Variants in CACNA2D3 observed in about 807,000 individuals in gnomAD.
CACNA2D3 encodes the protein voltage-dependent calcium channel subunit alpha-2/delta-3.
In CACNA2D3, 60 loss-of-function variants were observed where a neutral mutation model predicts 160.6. That is an observed-to-expected ratio of 0.37 (90% CI 0.30 to 0.46). The LOEUF (loss-of-function observed/expected upper bound fraction) is 0.46. Ranked by LOEUF, CACNA2D3 falls within the 20% of genes least tolerant of loss-of-function variation. CACNA2D3 has a pLI of 1.00. For synonymous variants in CACNA2D3, 558 were observed against 492.9 expected (o/e 1.13, Z -1.75); for missense variants, 1,205 against 1,365.0 (o/e 0.88, Z 1.85).
intron 17 of CACNA2D3, among the ~76,000 whole-genome samples, chr3:54,864,558 C>T (rs1699360125): frequency 6.6e-6 from 1 of 152,198 alleles, no homozygotes; most frequent in Non-Finnish European, 1.5e-5. Context: ...CTGTGCCTGG[C>T]TTTGGCCTAG....
intron 11 of CACNA2D3, among the ~76,000 whole-genome samples, chr3:54,742,987 A>G (rs1701684365): frequency 1.3e-5 from 2 of 152,346 alleles, no homozygotes; most frequent in Admixed American, 6.5e-5. Flanking sequence ...GTAAAATCTC[A>G]ACTGATTGAT....
intron 9 of CACNA2D3, among the ~76,000 whole-genome samples, chr3:54,606,092 T>C (rs1184994027): frequency 2.0e-5 from 3 of 152,182 alleles, no homozygotes; most frequent in Admixed American, 2.0e-4. Context: ...AGGGGGCTTA[T>C]CAAATTGCAT....
In CACNA2D3 at chr3:54,480,059, C is replaced by G. The variant is rs188635018; in HGVS notation, c.382-23433C>G. Among the ~76,000 whole-genome samples the G allele has an allele frequency of 3.9e-5, 6 of 152,090 alleles. No individual in the cohort carries two copies. In the East Asian group the frequency reaches 1.2e-3, roughly 30 times the overall value. On this transcript the variant is annotated intron_variant, in intron 4 of 37. Transcript: ENST00000474759. ...TGTGCCTGCACATGCTCACACAAGT[C>G]GAATCTGTAATAGGACTTAAAACTC...
At chr3:54,305,885 G>A (rs7431577) in intron 2 of CACNA2D3, among the ~76,000 whole-genome samples, 2 of 152,068 alleles carry the variant, frequency 1.3e-5, no homozygotes, top group East Asian at 1.9e-4. Context: ...ATCACAGATC[G>A]TTTCCTGTGA....
At chr3:54,223,278 A>G (rs1367651524) in intron 2 of CACNA2D3, among the ~76,000 whole-genome samples, 3 of 152,202 alleles carry the variant, frequency 2.0e-5, no homozygotes, top group Non-Finnish European at 2.9e-5. Flanking sequence ...GCTGTAGTCT[A>G]TTGCTCCTAG....
At chr3:54,387,732 T>C (rs1226623620) in intron 4 of CACNA2D3, among the ~76,000 whole-genome samples, 1 of 152,190 alleles carries the variant, frequency 6.6e-6, no homozygotes, top group Admixed American at 6.5e-5. Flanking sequence ...TTTATCTAAA[T>C]TGGCACTTTG....
At chr3:54,465,469 A>G (rs1490863015) in intron 4 of CACNA2D3, among the ~76,000 whole-genome samples, 2 of 152,206 alleles carry the variant, frequency 1.3e-5, no homozygotes, top group Admixed American at 6.5e-5. Context: ...AGGTGTAGGA[A>G]AAAACATAGT....
intron 11 of CACNA2D3, among the ~76,000 whole-genome samples, chr3:54,687,142 T>TTTTTTTTTTTTTTTTTTTTTG: frequency 1.4e-5 from 1 of 72,964 alleles, no homozygotes; most frequent in East Asian, 2.4e-4. Flanking sequence ...TTTGTTTTTT[T>TTTTTTTTTTTTTTTTTTTTTG]TTTTTTTTGT....
At chr3:54,465,246 T>G (rs1388614384) in intron 4 of CACNA2D3, among the ~76,000 whole-genome samples, 1 of 152,146 alleles carries the variant, frequency 6.6e-6, no homozygotes, top group Non-Finnish European at 1.5e-5. Context: ...TCATGTATTG[T>G]TTTCCTGATT....
At chr3:54,480,192 A>C (rs528937426) in intron 4 of CACNA2D3, among the ~76,000 whole-genome samples, 67 of 152,310 alleles carry the variant, frequency 4.4e-4, no homozygotes, top group Non-Finnish European at 6.6e-4. Context: ...AAAAAAAAGA[A>C]GGAAAGAAAA....
chr3:54,253,241 C>T (rs1029501366), intron 2 of CACNA2D3, among the ~76,000 whole-genome samples: 4 of 151,342 alleles, frequency 2.6e-5, no homozygotes, highest in Non-Finnish European at 4.4e-5. Flanking sequence ...TTAGTGTGTT[C>T]TCACCTTGCT....
At chr3:54,762,199 C>A (rs912139900) in intron 12 of CACNA2D3, among the ~76,000 whole-genome samples, 12 of 152,210 alleles carry the variant, frequency 7.9e-5, no homozygotes, top group African/African-American at 2.9e-4. Flanking sequence ...CTGCCCATTT[C>A]TGTCATCTTA....
chr3:54,162,287 T>C (rs1700360285), intron 2 of CACNA2D3, among the ~76,000 whole-genome samples: 1 of 151,976 alleles, frequency 6.6e-6, no homozygotes, highest in Admixed American at 6.6e-5. Flanking sequence ...ACGGGAGGGG[T>C]GGCCTGTGTC....
chr3:54,595,651 C>T (rs931378686), intron 9 of CACNA2D3, among the ~76,000 whole-genome samples: 1 of 152,114 alleles, frequency 6.6e-6, no homozygotes, highest in African/African-American at 2.4e-5. Context: ...CACAGCCTGC[C>T]CTCTTCCTGA....
intron 27 of CACNA2D3, among the ~76,000 whole-genome samples, chr3:54,960,125 A>G (rs985074524): frequency 2.6e-5 from 4 of 151,996 alleles, no homozygotes; most frequent in Non-Finnish European, 5.9e-5. Flanking sequence ...GTGTGGCCAA[A>G]TGGATCAGGC....
chr3:54,764,120 A>C (rs1361478049), intron 12 of CACNA2D3, 98 bp from the exon 13 acceptor site: 2 of 1,343,862 alleles, frequency 1.5e-6, no homozygotes, highest in Admixed American at 2.0e-5. Flanking sequence ...AAAAAGAAGG[A>C]AACTAGCTAG....
At chr3:54,315,967 T>C (rs1231528915) in intron 2 of CACNA2D3, among the ~76,000 whole-genome samples, 2 of 152,054 alleles carry the variant, frequency 1.3e-5, no homozygotes, top group Non-Finnish European at 2.9e-5. Context: ...ATTGAAAAAT[T>C]AGAAAATAAA....
At chr3:54,402,854 T>C (rs974093199) in intron 4 of CACNA2D3, among the ~76,000 whole-genome samples, 2 of 152,160 alleles carry the variant, frequency 1.3e-5, no homozygotes, top group African/African-American at 4.8e-5. Context: ...CGTGGAACAT[T>C]CTCCAGGACG....
At chr3:54,316,441 C>G (rs1445877754) in intron 2 of CACNA2D3, among the ~76,000 whole-genome samples, 4 of 152,122 alleles carry the variant, frequency 2.6e-5, no homozygotes, top group African/African-American at 9.7e-5. Flanking sequence ...GTGATTCCAG[C>G]AGTCATTAAC....
Sources: allele counts gnomAD v4.1 joint callset (sites outside exome capture counted in the v4.1 genomes callset), GRCh38; gene constraint gnomAD v4.1.1; transcripts MANE v1.5; gene names NCBI Gene and HGNC (gene_info 2026-07-23, HGNC 2026-07-21).